DPH6: variants seen among roughly 807,000 people sequenced by gnomAD.
DPH6 encodes the protein diphthine--ammonia ligase.
A neutral mutation model predicts 38.2 loss-of-function variants in DPH6; 33 were observed. The observed-to-expected ratio is 0.86, with a 90% CI of 0.65 to 1.15. DPH6 has a LOEUF of 1.15. Among genes scored for constraint, DPH6 ranks in the 50% most tolerant of loss-of-function variants. The probability of loss-of-function intolerance (pLI) is 0.00; values close to 1 mark genes in which losing one functional copy is unlikely to be tolerated. For synonymous variants in DPH6, 108 were observed against 103.0 expected (o/e 1.05, Z -0.30); for missense variants, 325 against 320.0 (o/e 1.02, Z -0.12).
chr15:35,299,450 G>T, intron 3 of DPH6: 3 of 777,332 alleles, frequency 3.9e-6, no homozygotes. Flanking sequence ...TCTTTTCTTC[G>T]GTTTAATGCC....
chr15:35,401,732 T>C (rs772792614), intron 6 of DPH6: 2 of 718,774 alleles, frequency 2.8e-6, no homozygotes, highest in South Asian at 1.4e-5. Flanking sequence ...GTGGTTCCAG[T>C]AGCAGCGGTA....
intron 3 of DPH6, among the ~76,000 whole-genome samples, chr15:35,266,755 C>A (rs1368742312): frequency 6.6e-6 from 1 of 152,138 alleles, no homozygotes; most frequent in Admixed American, 6.5e-5. Context: ...AACCAATAAT[C>A]AGTAATAATT....
chr15:35,538,554 T>G (rs921201111), intron 2 of DPH6, 87 bp from the exon 3 acceptor site: 1 of 1,181,350 alleles, frequency 8.5e-7, no homozygotes, highest in Non-Finnish European at 1.1e-6. Context: ...ACTGCTTGAA[T>G]AGTCGACACA....
chr15:35,195,961 AGT>A, the DPH6 span, among the ~76,000 whole-genome samples: 2 of 152,106 alleles, frequency 1.3e-5, no homozygotes, highest in African/African-American at 4.8e-5. Flanking sequence ...AGAACTTACA[AGT>A]GTGGGCTGGT....
intron 3 of DPH6, among the ~76,000 whole-genome samples, chr15:35,516,948 G>A (rs1213655749): frequency 1.3e-5 from 2 of 151,916 alleles, no homozygotes; most frequent in Non-Finnish European, 2.9e-5. Flanking sequence ...TTTTTTTAAT[G>A]TATATTATTC....
intron 3 of DPH6, among the ~76,000 whole-genome samples, chr15:35,537,127 A>G (rs1474222183): frequency 6.6e-6 from 1 of 152,136 alleles, no homozygotes; most frequent in African/African-American, 2.4e-5. Flanking sequence ...TGCTTCATAT[A>G]TTTTTCAAAT....
At chr15:35,465,534 A>C (rs1462255979) in intron 3 of DPH6, among the ~76,000 whole-genome samples, 1 of 152,240 alleles carries the variant, frequency 6.6e-6, no homozygotes, top group African/African-American at 2.4e-5. Flanking sequence ...TAGGCTAATA[A>C]AAATAACCAA....
At chr15:35,303,663 G>A (rs1024847823) in intron 3 of DPH6, among the ~76,000 whole-genome samples, 2 of 141,908 alleles carry the variant, frequency 1.4e-5, no homozygotes, top group Non-Finnish European at 1.5e-5. Context: ...TTGGTGAAGA[G>A]AAAATTATTC....
intron 3 of DPH6, among the ~76,000 whole-genome samples, chr15:35,307,725 T>A (rs1363543422): frequency 3.3e-5 from 5 of 152,196 alleles, no homozygotes; most frequent in African/African-American, 1.2e-4. Flanking sequence ...TGTGCATGTG[T>A]ATACACATAT....
At chr15:35,165,784 T>C in the DPH6 span, among the ~76,000 whole-genome samples, 3 of 151,988 alleles carry the variant, frequency 2.0e-5, no homozygotes, top group African/African-American at 4.8e-5. Context: ...CTAATCTTAG[T>C]ATATAATTCT....
At chr15:35,231,852 T>C (rs2051520237) in intron 3 of DPH6, among the ~76,000 whole-genome samples, 1 of 152,004 alleles carries the variant, frequency 6.6e-6, no homozygotes, top group African/African-American at 2.4e-5. Context: ...CCAGGGTCTT[T>C]GAAACAATTC....
intron 3 of DPH6, among the ~76,000 whole-genome samples, chr15:35,513,618 C>T (rs1397083386): frequency 1.3e-5 from 2 of 151,836 alleles, no homozygotes; most frequent in African/African-American, 4.8e-5. Flanking sequence ...ATTACAACAC[C>T]ACTTAGTCTT....
the DPH6 span, among the ~76,000 whole-genome samples, chr15:35,192,836 C>G: frequency 4.0e-3 from 608 of 152,300 alleles, 3 homozygotes; most frequent in African/African-American, 0.014. Context: ...TGAGCCCTCA[C>G]TATTTGCCAG....
intron 6 of DPH6, among the ~76,000 whole-genome samples, chr15:35,392,727 C>G (rs2053077270): frequency 6.6e-6 from 1 of 152,094 alleles, no homozygotes; most frequent in South Asian, 2.1e-4. Context: ...AATGCTGTGA[C>G]AGTATAAAGC....
chr15:35,490,026 G>A, intron 3 of DPH6: 1 of 985,330 alleles, frequency 1.0e-6, no homozygotes, highest in South Asian at 4.7e-5. Context: ...GCACCCAAAT[G>A]TAAAGAAAAC....
the DPH6 span, among the ~76,000 whole-genome samples, chr15:35,209,268 C>T: frequency 1.3e-5 from 2 of 152,140 alleles, no homozygotes; most frequent in Admixed American, 6.6e-5. Flanking sequence ...TTAACCTCAA[C>T]AAAGAACAGA....
intron 6 of DPH6, among the ~76,000 whole-genome samples, chr15:35,387,438 G>A (rs7167381): frequency 0.035 from 5,300 of 152,182 alleles, 285 homozygotes; most frequent in African/African-American, 0.12. Flanking sequence ...TGGGCAGTAT[G>A]GCCATTTTCA....
intron 7 of DPH6, among the ~76,000 whole-genome samples, chr15:35,375,366 A>C (rs1391874610): frequency 6.6e-6 from 1 of 152,142 alleles, no homozygotes; most frequent in African/African-American, 2.4e-5. Context: ...ACAAAGGAAG[A>C]GTCAACTGGG....
intron 3 of DPH6, among the ~76,000 whole-genome samples, chr15:35,297,210 A>G (rs538775131): frequency 1.8e-4 from 27 of 152,184 alleles, no homozygotes; most frequent in Non-Finnish European, 3.8e-4. Flanking sequence ...ATGACTCCAA[A>G]CTTGAAACCA....
Sources: allele counts gnomAD v4.1 joint callset (sites outside exome capture counted in the v4.1 genomes callset), GRCh38; gene constraint gnomAD v4.1.1; transcripts MANE v1.5; gene names NCBI Gene and HGNC (gene_info 2026-07-23, HGNC 2026-07-21).